The following SLC30A8 variants were observed in gnomAD, a reference collection of about 807,000 sequenced individuals.
SLC30A8 encodes solute carrier family 30 member 8, also known as proton-coupled zinc antiporter SLC30A8.
In SLC30A8, 27 loss-of-function variants were observed where a neutral mutation model predicts 36.9. The ratio of observed to expected loss-of-function variants is 0.73; its 90% confidence interval spans 0.54 to 1.01. SLC30A8 has a LOEUF of 1.01. SLC30A8 is among the 50% of genes least tolerant of loss of function. SLC30A8 has a pLI of 0.00. For synonymous variants in SLC30A8, 164 were observed against 172.4 expected, an observed-to-expected ratio of 0.95 and a Z score of 0.38; for missense variants, 439 against 452.0, an observed-to-expected ratio of 0.97 and a Z score of 0.26.
In SLC30A8 at chr8:117,172,503, A is replaced by G. The variant is rs1021655503; in HGVS notation, c.965-33A>G. The stretch of plus-strand genomic sequence containing the variant: ...AGCAGTCGCCCATGCGTGTGCAATC[A>G]GTGCTAATCTCCCTGTGCTTCTTTA... On this transcript the variant is annotated intron_variant, in intron 7 of 7. Coordinates refer to ENST00000456015, the MANE Select transcript of SLC30A8 (RefSeq NM_173851.3). 6 of 1,613,338 alleles carry G rather than the reference A, an allele frequency of 3.7e-6. No homozygotes were observed. In the Admixed American group the frequency reaches 6.7e-5, roughly 18 times the overall value.
At chr8:117,062,446 CAGAG>C (rs781253307) in intron 2 of SLC30A8, among the ~76,000 whole-genome samples, 5 of 152,124 alleles carry the variant, frequency 3.3e-5, no homozygotes, top group African/African-American at 9.7e-5. Flanking sequence ...TGGAGCAAGA[CAGAG>C]AGCGGGGAAG....
chr8:117,125,194 G>A (rs1421697224), intron 2 of SLC30A8, among the ~76,000 whole-genome samples: 1 of 151,968 alleles, frequency 6.6e-6, no homozygotes, highest in African/African-American at 2.4e-5. Flanking sequence ...AAGTTTTGGT[G>A]TTGCCATGAT....
chr8:117,072,838 T>C (rs1443229005), intron 2 of SLC30A8, among the ~76,000 whole-genome samples: 1 of 62,710 alleles, frequency 1.6e-5, no homozygotes, highest in African/African-American at 1.1e-4. Context: ...ATCCTACTAC[T>C]TTTTTTTTTT....
chr8:117,173,958 A>G lies in SLC30A8; in HGVS notation c.*1277A>G, dbSNP rs112959999. The G allele has an allele frequency of 2.6e-5, 4 of 152,294 alleles. No homozygotes were observed. Among genetic ancestry groups the G allele is most frequent in the African/African-American group, 9.6e-5 (4 of 41,570 alleles). 9.4% of individuals were successfully genotyped at this position (152,294 alleles called of 1,614,324 possible). A position where few individuals can be genotyped will look rare whatever the true frequency, so the allele number is the denominator to read the frequency against. On this transcript the variant is annotated 3_prime_UTR_variant, in exon 8 of 8. Coordinates refer to ENST00000456015, the MANE Select transcript of SLC30A8 (RefSeq NM_173851.3). ...AGGTGACAGCTCTGCTGGACTTTGA[A>G]TTACATATGGAGGCTCTCCAGGAAG...
intron 6 of SLC30A8, among the ~76,000 whole-genome samples, chr8:117,170,736 T>C (rs1257536844): frequency 1.3e-5 from 2 of 152,164 alleles, no homozygotes; most frequent in African/African-American, 2.4e-5. Context: ...TTCCAGAGTG[T>C]ATATAAAGAT....
At chr8:117,049,306 C>T (rs1242046509) in intron 2 of SLC30A8, among the ~76,000 whole-genome samples, 1 of 152,202 alleles carries the variant, frequency 6.6e-6, no homozygotes, top group Admixed American at 6.5e-5. Context: ...ATATAATTCT[C>T]CCAATAACCC....
rs186479242 is a variant in SLC30A8, at chr8:117,138,782, G to A, written c.71+3384G>A. 8.9e-4 allele frequency among the ~76,000 whole-genome samples: 136 copies of A among 152,106 alleles called. 1 individual carries two copies. The highest frequency in any genetic ancestry group is 1.5e-3 in the Non-Finnish European group (105 of 67,962). The stretch of plus-strand genomic sequence containing the variant: ...ACGATCCGTATTCAGTGCTCCACTT[G>A]TGGAGCAAGAGTATTGCTCCAGGAG... On this transcript the variant is annotated intron_variant, in intron 1 of 7. Coordinates refer to ENST00000456015, the MANE Select transcript of SLC30A8 (RefSeq NM_173851.3).
chr8:117,093,165 T>C (rs1278349799), intron 2 of SLC30A8, among the ~76,000 whole-genome samples: 1 of 151,954 alleles, frequency 6.6e-6, no homozygotes, highest in Non-Finnish European at 1.5e-5. Flanking sequence ...TGAGGTAAGA[T>C]ACTCTCATGG....
intron 1 of SLC30A8, among the ~76,000 whole-genome samples, chr8:117,009,169 C>T (rs1186441840): frequency 2.6e-5 from 4 of 152,036 alleles, no homozygotes; most frequent in Non-Finnish European, 4.4e-5. Context: ...TGCTGGACTT[C>T]GATGGCTTAA....
intron 2 of SLC30A8, among the ~76,000 whole-genome samples, chr8:117,122,456 C>G (rs895335969): frequency 4.6e-5 from 7 of 151,978 alleles, no homozygotes; most frequent in African/African-American, 1.7e-4. Flanking sequence ...TCATGAATGG[C>G]AGAACTGGGA....
chr8:117,044,536 G>A (rs1817485678), intron 2 of SLC30A8, among the ~76,000 whole-genome samples: 1 of 152,200 alleles, frequency 6.6e-6, no homozygotes, highest in Admixed American at 6.5e-5. Context: ...TCCCCAGGGG[G>A]TCGACTGCTT....
At chr8:117,098,473 T>C (rs879502531) in intron 2 of SLC30A8, among the ~76,000 whole-genome samples, 2 of 152,112 alleles carry the variant, frequency 1.3e-5, no homozygotes, top group Non-Finnish European at 2.9e-5. Flanking sequence ...CAGGAAAGCG[T>C]GTAGCTCCCT....
chr8:116,951,796 T>C (rs904122400), intron 1 of SLC30A8, among the ~76,000 whole-genome samples: 1 of 152,116 alleles, frequency 6.6e-6, no homozygotes, highest in Non-Finnish European at 1.5e-5. Flanking sequence ...CTGTTCTAGG[T>C]ATGTGTTGAG....
At chr8:117,016,042 A>G (rs900787000) in intron 1 of SLC30A8, among the ~76,000 whole-genome samples, 1 of 152,194 alleles carries the variant, frequency 6.6e-6, no homozygotes, top group Non-Finnish European at 1.5e-5. Flanking sequence ...AACGTTGGTA[A>G]GAGAGAAGGG....
chr8:117,062,339 C>T (rs770279704), intron 2 of SLC30A8, among the ~76,000 whole-genome samples: 4 of 152,148 alleles, frequency 2.6e-5, no homozygotes, highest in Non-Finnish European at 5.9e-5. Context: ...GCTGTCCATG[C>T]GTGGCAAAAG....
chr8:117,111,748 A>G (rs1387306504), intron 2 of SLC30A8, among the ~76,000 whole-genome samples: 1 of 152,136 alleles, frequency 6.6e-6, no homozygotes, highest in Non-Finnish European at 1.5e-5. Flanking sequence ...TTTTGATGCC[A>G]TGAAGTCGAC....
At chr8:117,166,140 T>C (rs1464348729) in intron 6 of SLC30A8, among the ~76,000 whole-genome samples, 2 of 152,144 alleles carry the variant, frequency 1.3e-5, no homozygotes, top group Non-Finnish European at 2.9e-5. Context: ...ACATTCCCAA[T>C]ACAACGAAAT....
intron 1 of SLC30A8, among the ~76,000 whole-genome samples, chr8:117,013,635 C>G (rs185603399): frequency 6.6e-6 from 1 of 152,106 alleles, no homozygotes; most frequent in Non-Finnish European, 1.5e-5. Flanking sequence ...TATACCTGGA[C>G]TTGGTGGTGT....
chr8:117,135,523 A>G, intron 1 of SLC30A8, 125 bp downstream of exon 1: 1 of 566,812 alleles, frequency 1.8e-6, no homozygotes. Flanking sequence ...ACATTTTATA[A>G]GTTGTTGACT....
Sources: allele counts gnomAD v4.1 joint callset (sites outside exome capture counted in the v4.1 genomes callset), GRCh38; gene constraint gnomAD v4.1.1; transcripts MANE v1.5; gene names NCBI Gene and HGNC (gene_info 2026-07-23, HGNC 2026-07-21).